CEMIP: variants seen among roughly 807,000 people sequenced by gnomAD.
CEMIP encodes the protein cell migration inducing hyaluronidase 1.
A neutral mutation model predicts 156.9 loss-of-function variants in CEMIP; 105 were observed. The observed-to-expected ratio is 0.67, with a 90% CI of 0.57 to 0.79. CEMIP has a LOEUF of 0.79. Ranked by LOEUF, CEMIP falls within the 30% of genes least tolerant of loss-of-function variation. The pLI is 0.00. For synonymous variants in CEMIP, 676 were observed against 668.4 expected, an observed-to-expected ratio of 1.01 and a Z score of -0.17; for missense variants, 1,457 against 1,769.4, an observed-to-expected ratio of 0.82 and a Z score of 3.17.
intron 1 of CEMIP, among the ~76,000 whole-genome samples, chr15:80,784,529 C>T (rs1458513659): frequency 6.6e-6 from 1 of 152,166 alleles, no homozygotes; most frequent in Non-Finnish European, 1.5e-5. Flanking sequence ...GCACATTTTT[C>T]TGTGGCTCTG....
At chr15:80,942,877 C>G (rs1449178492) in intron 27 of CEMIP, 68 bp from the exon 28 acceptor site, 5 of 1,593,182 alleles carry the variant, frequency 3.1e-6, no homozygotes, top group Non-Finnish European at 4.3e-6. Flanking sequence ...TGCTTGGGAA[C>G]CACCTGGGCA....
intron 1 of CEMIP, among the ~76,000 whole-genome samples, chr15:80,814,868 T>G (rs542258951): frequency 6.6e-6 from 1 of 152,292 alleles, no homozygotes; most frequent in South Asian, 2.1e-4. Flanking sequence ...TCTCCTTTTT[T>G]AAGAGATGGG....
At position 80,928,792 on chromosome 15, in the gene CEMIP, T is replaced by C. The variant is rs1900790473; in HGVS notation, c.2421-110T>C. On this transcript the variant is annotated intron_variant, in intron 19 of 29. Transcript: ENST00000394685. ...CTGCTTATGTAGAGACTCCTTCCTC[T>C]GCACGGTATTCAGTTTGACTCCAAG... is the stretch of plus-strand genomic sequence containing the variant. 3.0e-6 allele frequency: 4 copies of C among 1,351,730 alleles called. No homozygotes were observed. In the East Asian group the frequency reaches 7.0e-5, roughly 24 times the overall value. 83.7% of individuals were successfully genotyped at this position (1,351,730 alleles called of 1,614,324 possible).
At chr15:80,842,233 A>G in intron 1 of CEMIP, among the ~76,000 whole-genome samples, 1 of 152,138 alleles carries the variant, frequency 6.6e-6, no homozygotes, top group Non-Finnish European at 1.5e-5. Context: ...AAGGTAATGA[A>G]TTACGCACAA....
chr15:80,925,788 A>T, intron 19 of CEMIP, 33 bp downstream of exon 19: 1 of 1,605,872 alleles, frequency 6.2e-7, no homozygotes. Context: ...TTTGGCACAA[A>T]GGGGGCATGG....
intron 23 of CEMIP, among the ~76,000 whole-genome samples, chr15:80,935,625 C>T (rs1901091700): frequency 6.6e-6 from 1 of 152,176 alleles, no homozygotes. Context: ...CTTCCAAAAG[C>T]ACAACATCAT....
intron 1 of CEMIP, among the ~76,000 whole-genome samples, chr15:80,839,331 T>TGTGTGTGTGTGTGTGTGTG (rs1596124534): frequency 1.2e-4 from 18 of 151,034 alleles, no homozygotes; most frequent in East Asian, 3.9e-4. Context: ...TGTGTGTGTG[T>TGTGTGTGTGTGTGTGTGTG]TTAATTTGTG....
chr15:80,860,705 C>T (rs1183048181), intron 1 of CEMIP, among the ~76,000 whole-genome samples: 1 of 152,128 alleles, frequency 6.6e-6, no homozygotes, highest in African/African-American at 2.4e-5. Flanking sequence ...CCCTTCTCTC[C>T]CTTCCCACCC....
intron 1 of CEMIP, among the ~76,000 whole-genome samples, chr15:80,864,488 C>T (rs11072952): frequency 2.0e-5 from 3 of 152,046 alleles, no homozygotes; most frequent in African/African-American, 2.4e-5. Flanking sequence ...TGGGTAATGG[C>T]GACACACTGA....
chr15:80,921,836 T>A lies in CEMIP; in HGVS notation c.2074-173T>A, dbSNP rs1334244923. ...CATGGTGGGCTCTACTTTTCACTGT[T>A]TTCCCCCCAGACTGGACCACATGGA... is the stretch of plus-strand genomic sequence containing the variant. On this transcript the variant is annotated intron_variant, in intron 16 of 29. Transcript: ENST00000394685. Among the ~76,000 whole-genome samples the A allele has an allele frequency of 2.0e-5, 3 of 152,216 alleles. No homozygotes were observed. In the East Asian group the frequency reaches 5.8e-4, roughly 29 times the overall value.
intron 14 of CEMIP, among the ~76,000 whole-genome samples, chr15:80,914,136 A>G (rs1323032510): frequency 6.6e-6 from 1 of 152,154 alleles, no homozygotes; most frequent in African/African-American, 2.4e-5. Context: ...GGGATGCAAA[A>G]TGGGCCCCCA....
At chr15:80,832,320 C>CTGTGTG (rs1266715174) in intron 1 of CEMIP, among the ~76,000 whole-genome samples, 1 of 18,122 alleles carries the variant, frequency 5.5e-5, no homozygotes, top group African/African-American at 2.6e-4. Context: ...TTAAAATAAA[C>CTGTGTG]TCTGTGTGTG....
intron 12 of CEMIP, among the ~76,000 whole-genome samples, chr15:80,900,648 G>GTC (rs1567090994): frequency 7.6e-4 from 85 of 111,904 alleles, no homozygotes; most frequent in African/African-American, 2.4e-3. Flanking sequence ...GTGTGTGTGT[G>GTC]TCTGTGTGTG....
chr15:80,793,698 C>T (rs1009335040), intron 1 of CEMIP, among the ~76,000 whole-genome samples: 3 of 152,154 alleles, frequency 2.0e-5, no homozygotes, highest in African/African-American at 7.2e-5. Context: ...CTTTGTAAAC[C>T]AGCATGCACC....
Position 80,922,132 on chromosome 15 carries a change from T to C in CEMIP, c.2197T>C (p.Tyr733His), listed in dbSNP as rs777806791. The C allele has an allele frequency of 1.9e-6, 3 of 1,614,226 alleles. No homozygotes were observed. Among genetic ancestry groups the C allele is most frequent in the East Asian group, 4.5e-5 (2 of 44,888 alleles). Residue 733 changes from tyrosine to histidine, a missense_variant, in exon 17 of 30, where the codon TAC becomes CAC. This residue lies in a region of CEMIP where 798 missense variants were observed against 980.1 expected (regional missense o/e 0.81). Coordinates refer to ENST00000394685, the MANE Select transcript of CEMIP (RefSeq NM_001293298.2). Reference protein sequence around the residue: ...KFYNNRAHSNYRAGMIIDNGV... With the variant: ...KFYNNRAHSNHRAGMIIDNGV... ...CTATAACAACCGAGCACATTCCAAC[T>C]ACCGGGTAAGTCTTTCCAGGCTGCG... is the stretch of plus-strand genomic sequence containing the variant.
chr15:80,819,047 T>C (rs1036904701), intron 1 of CEMIP, among the ~76,000 whole-genome samples: 38 of 152,228 alleles, frequency 2.5e-4, no homozygotes, highest in African/African-American at 9.2e-4. Context: ...ATCTTCAGTC[T>C]TCTTTGGCTG....
intron 1 of CEMIP, among the ~76,000 whole-genome samples, chr15:80,822,171 T>C (rs1896925087): frequency 6.6e-6 from 1 of 152,236 alleles, no homozygotes; most frequent in Admixed American, 6.5e-5. Flanking sequence ...ATGCTTCTTG[T>C]GCACAGCTTC....
At chr15:80,845,071 A>G (rs1882681662) in intron 1 of CEMIP, among the ~76,000 whole-genome samples, 1 of 152,228 alleles carries the variant, frequency 6.6e-6, no homozygotes, top group Admixed American at 6.5e-5. Flanking sequence ...ACATATATAG[A>G]TAAAGCTAAA....
At chr15:80,824,014 C>A (rs1389397713) in intron 1 of CEMIP, among the ~76,000 whole-genome samples, 2 of 152,316 alleles carry the variant, frequency 1.3e-5, no homozygotes, top group East Asian at 3.9e-4. Context: ...CTGGTCAATG[C>A]ACCCCTGAAT....
Sources: gnomAD v4.1 joint callset for allele counts (sites outside exome capture counted in the v4.1 genomes callset) on GRCh38, gnomAD v4.1.1 for gene constraint, gnomAD v4.1.1 regional missense constraint, MANE v1.5 for transcripts, NCBI Gene and HGNC (gene_info 2026-07-23, HGNC 2026-07-21) for gene names.